The following CAP2 variants were observed in gnomAD, a reference collection of about 807,000 sequenced individuals.
CAP2 encodes adenylyl cyclase-associated protein 2.
Under a neutral mutation model 57.7 loss-of-function variants are expected in CAP2, and 24 were observed. That is an observed-to-expected ratio of 0.42 (90% CI 0.30 to 0.58). CAP2 has a LOEUF of 0.58. Ranked by LOEUF, CAP2 falls within the 20% of genes least tolerant of loss-of-function variation. The pLI, the probability that CAP2 is intolerant of heterozygous loss-of-function variation, is 0.22. For missense variants in CAP2, 501 were observed against 590.3 expected (o/e 0.85, Z 1.57); for synonymous variants, 194 against 207.2 (o/e 0.94, Z 0.55).
chr6:17,438,646 A>C (rs372587138), intron 3 of CAP2, among the ~76,000 whole-genome samples: 2 of 146,708 alleles, frequency 1.4e-5, no homozygotes, highest in Non-Finnish European at 3.0e-5. Flanking sequence ...TCACAGTGTT[A>C]GCCAGGATGG....
intron 4 of CAP2, among the ~76,000 whole-genome samples, chr6:17,486,893 AC>A (rs58937589): frequency 0.15 from 22,641 of 151,874 alleles, 5,479 homozygotes; most frequent in African/African-American, 0.51. Context: ...CGTCACGGTC[AC>A]CCCCGGCTTC....
At chr6:17,538,376 C>T (rs9477476) in intron 7 of CAP2, among the ~76,000 whole-genome samples, 4 of 151,308 alleles carry the variant, frequency 2.6e-5, no homozygotes, top group Admixed American at 6.6e-5. Context: ...GAATCGCTTG[C>T]GCCCAGGAGT....
At chr6:17,447,470 A>G (rs1384311556) in intron 3 of CAP2, among the ~76,000 whole-genome samples, 3 of 152,214 alleles carry the variant, frequency 2.0e-5, no homozygotes, top group Non-Finnish European at 1.5e-5. Context: ...GGGCACAGCT[A>G]TCAACAAACA....
chr6:17,413,773 G>T (rs762308865), intron 1 of CAP2, among the ~76,000 whole-genome samples: 1 of 152,188 alleles, frequency 6.6e-6, no homozygotes, highest in Non-Finnish European at 1.5e-5. Flanking sequence ...TTAACAATTG[G>T]CCAGACGCAG....
At chr6:17,538,015 C>T (rs958354795) in intron 7 of CAP2, among the ~76,000 whole-genome samples, 6 of 151,906 alleles carry the variant, frequency 3.9e-5, no homozygotes, top group Admixed American at 3.3e-4. Flanking sequence ...TGTAGGGAGC[C>T]GAGATCATGC....
chr6:17,541,263 AT>A, intron 9 of CAP2, 115 bp downstream of exon 9: 1 of 714,810 alleles, frequency 1.4e-6, no homozygotes, highest in Non-Finnish European at 2.3e-6. Flanking sequence ...GTATTGGTAC[AT>A]AACATTTGTA....
chr6:17,397,119 GCA>G (rs1758684527), intron 1 of CAP2, among the ~76,000 whole-genome samples: 1 of 152,044 alleles, frequency 6.6e-6, no homozygotes, highest in African/African-American at 2.4e-5. Context: ...GAATGGAGTG[GCA>G]CAGTCTCAGC....
chr6:17,482,905 A>G (rs1761327488), intron 4 of CAP2, among the ~76,000 whole-genome samples: 1 of 152,226 alleles, frequency 6.6e-6, no homozygotes, highest in Admixed American at 6.5e-5. Flanking sequence ...CCGTAACACT[A>G]GATTTGTCAG....
chr6:17,549,441 G>A (rs975567006), intron 11 of CAP2, among the ~76,000 whole-genome samples: 2 of 151,884 alleles, frequency 1.3e-5, no homozygotes, highest in Non-Finnish European at 2.9e-5. Context: ...TCCAGCCTGG[G>A]CAACAAGAGC....
intron 4 of CAP2, among the ~76,000 whole-genome samples, chr6:17,487,573 G>A (rs535230292): frequency 2.6e-5 from 4 of 152,232 alleles, no homozygotes; most frequent in Admixed American, 6.5e-5. Flanking sequence ...GGGTTCAAGC[G>A]ATTCTCCTGC....
In CAP2 at chr6:17,513,977, C is replaced by T. The variant is rs377507916; in HGVS notation, c.636+23C>T. 291 of 1,433,820 alleles carry T rather than the reference C, an allele frequency of 2.0e-4. No homozygotes were observed. Among genetic ancestry groups the T allele is most frequent in the Non-Finnish European group, 2.6e-4 (263 of 1,015,964 alleles). The allele number at this position is 1,433,820 out of a possible 1,614,324, so 88.8% of individuals were successfully genotyped here. On this transcript the variant is annotated intron_variant, in intron 7 of 12. Coordinates refer to ENST00000229922, the MANE Select transcript of CAP2 (RefSeq NM_006366.3). The surrounding 1 kb of genome is among the most constrained non-coding windows in gnomAD (Gnocchi z 4.3). ...ACAGTGAGTACGAGGCCTTCCTCCACGTGTGTAAAAAAAGGCCATGACTAT... is the reference window on the plus strand; with the variant it reads ...ACAGTGAGTACGAGGCCTTCCTCCATGTGTGTAAAAAAAGGCCATGACTAT...
chr6:17,415,677 G>A (rs73367874), intron 1 of CAP2, among the ~76,000 whole-genome samples: 6,868 of 152,288 alleles, frequency 0.045, 456 homozygotes, highest in African/African-American at 0.15. Context: ...CCCCTGAAAA[G>A]CTTGCAGCCG....
chr6:17,397,392 C>T (rs532793274), intron 1 of CAP2, among the ~76,000 whole-genome samples: 1 of 151,354 alleles, frequency 6.6e-6, no homozygotes, highest in Admixed American at 6.6e-5. Context: ...AACATTAGGT[C>T]ATTAAGAATT....
intron 7 of CAP2, 92 bp downstream of exon 7, chr6:17,514,046 C>G: frequency 1.2e-6 from 1 of 819,896 alleles, no homozygotes. Context: ...TAAAACTTAC[C>G]TCAAGGAAAA....
At chr6:17,404,925 G>A (rs1758917330) in intron 1 of CAP2, among the ~76,000 whole-genome samples, 1 of 152,048 alleles carries the variant, frequency 6.6e-6, no homozygotes, top group African/African-American at 2.4e-5. Flanking sequence ...TCACCAGAAG[G>A]TATTGTATGA....
chr6:17,405,121 G>A (rs777455419), intron 1 of CAP2, among the ~76,000 whole-genome samples: 3 of 152,112 alleles, frequency 2.0e-5, no homozygotes, highest in Non-Finnish European at 4.4e-5. Flanking sequence ...AGTGGGGCAC[G>A]CCTATAACCC....
At chr6:17,465,981 T>C (rs1760855191) in intron 4 of CAP2, among the ~76,000 whole-genome samples, 1 of 152,140 alleles carries the variant, frequency 6.6e-6, no homozygotes, top group Admixed American at 6.5e-5. Context: ...AGTTGCAGAC[T>C]CTGAACACAC....
chr6:17,505,146 TTC>T (rs1215631811), intron 4 of CAP2, among the ~76,000 whole-genome samples: 1 of 152,188 alleles, frequency 6.6e-6, no homozygotes, highest in South Asian at 2.1e-4. Context: ...GTGGTAGGTA[TTC>T]TCTCTGATTT....
intron 7 of CAP2, among the ~76,000 whole-genome samples, chr6:17,517,135 T>G (rs1319006931): frequency 6.6e-6 from 1 of 152,246 alleles, no homozygotes; most frequent in Non-Finnish European, 1.5e-5. Context: ...GTGTCACATC[T>G]TTGCCATGGT....
Sources: gnomAD v4.1 joint callset for allele counts (sites outside exome capture counted in the v4.1 genomes callset) on GRCh38, gnomAD v4.1.1 for gene constraint, Gnocchi (gnomAD v3.1) non-coding constraint, MANE v1.5 for transcripts, NCBI Gene and HGNC (gene_info 2026-07-23, HGNC 2026-07-21) for gene names.